The following RBFOX1 variants were observed in gnomAD, a reference collection of about 807,000 sequenced individuals.
RBFOX1 encodes RNA binding fox-1 homolog 1.
A neutral mutation model predicts 57.7 loss-of-function variants in RBFOX1; 8 were observed. That is an observed-to-expected ratio of 0.14 (90% CI 0.08 to 0.25). The LOEUF (loss-of-function observed/expected upper bound fraction) is 0.25, where lower values mean the gene tolerates loss of function less well. RBFOX1 is among the 10% of genes least tolerant of loss of function. The pLI is 1.00. For missense variants in RBFOX1, 611 were observed against 548.5 expected, an observed-to-expected ratio of 1.11 and a Z score of -1.14; for synonymous variants, 326 against 222.4, an observed-to-expected ratio of 1.47 and a Z score of -4.15.
At chr16:6,301,501 G>A (rs1483919562) in intron 1 of RBFOX1, among the ~76,000 whole-genome samples, 2 of 152,118 alleles carry the variant, frequency 1.3e-5, no homozygotes, top group Admixed American at 1.3e-4. Context: ...GGAACATTAT[G>A]AGATCTAGTT....
intron 11 of RBFOX1, among the ~76,000 whole-genome samples, chr16:7,637,580 T>C (rs2061980364): frequency 6.6e-6 from 1 of 152,226 alleles, no homozygotes; most frequent in African/African-American, 2.4e-5. Context: ...AATTTACGGC[T>C]TCCTTTTTCT....
At chr16:6,649,541 A>C (rs1186687661) in intron 2 of RBFOX1, among the ~76,000 whole-genome samples, 1 of 152,156 alleles carries the variant, frequency 6.6e-6, no homozygotes, top group African/African-American at 2.4e-5. Context: ...CTGAGTCCGC[A>C]AAGTCCACTG....
chr16:7,326,498 G>C (rs895069299), intron 4 of RBFOX1, among the ~76,000 whole-genome samples: 2 of 152,104 alleles, frequency 1.3e-5, no homozygotes, highest in African/African-American at 4.8e-5. Flanking sequence ...ATGATGAGCA[G>C]AGAGATGAAA....
At chr16:5,259,668 C>A (rs1282533544) in intron 1 of RBFOX1, among the ~76,000 whole-genome samples, 1 of 152,122 alleles carries the variant, frequency 6.6e-6, no homozygotes, top group Non-Finnish European at 1.5e-5. Context: ...TTTTGCCCTT[C>A]AGTTGTGTTT....
intron 1 of RBFOX1, among the ~76,000 whole-genome samples, chr16:5,308,948 C>G (rs2064010710): frequency 6.6e-6 from 1 of 152,284 alleles, no homozygotes; most frequent in East Asian, 1.9e-4. Context: ...CTTGGGAGTT[C>G]TAGGTCTTAA....
chr16:5,820,447 C>G (rs553939745), intron 3 of RBFOX1, among the ~76,000 whole-genome samples: 1 of 152,072 alleles, frequency 6.6e-6, no homozygotes. Flanking sequence ...TGGACCGTGC[C>G]GGGATTGATC....
At chr16:7,190,727 C>G (rs942018060) in intron 4 of RBFOX1, among the ~76,000 whole-genome samples, 2 of 152,064 alleles carry the variant, frequency 1.3e-5, no homozygotes, top group African/African-American at 4.8e-5. Context: ...GTTCTCCTGG[C>G]CTTGCATGGT....
At chr16:7,524,935 T>G (rs1235308068) in intron 5 of RBFOX1, among the ~76,000 whole-genome samples, 1 of 152,194 alleles carries the variant, frequency 6.6e-6, no homozygotes, top group Non-Finnish European at 1.5e-5. Flanking sequence ...ATCAAAGCAA[T>G]TCAGGCTTGG....
chr16:6,935,021 G>C (rs4786952), intron 3 of RBFOX1, among the ~76,000 whole-genome samples: 152,145 of 152,148 alleles, frequency 1, 76,071 homozygotes, highest in Middle Eastern at 1. Flanking sequence ...CCAGGAGGCA[G>C]GGGTTGTTGC....
At chr16:5,889,457 G>A (rs938974152) in intron 4 of RBFOX1, among the ~76,000 whole-genome samples, 2 of 152,060 alleles carry the variant, frequency 1.3e-5, no homozygotes, top group African/African-American at 2.4e-5. Flanking sequence ...TTCTTTATCC[G>A]TTCTATCATT....
At chr16:5,915,661 G>C (rs186437941) in intron 4 of RBFOX1, among the ~76,000 whole-genome samples, 1 of 151,996 alleles carries the variant, frequency 6.6e-6, no homozygotes, top group African/African-American at 2.4e-5. Flanking sequence ...GTAAAACCCT[G>C]TCTCTACTAA....
At chr16:6,711,564 C>G (rs1340657623) in intron 3 of RBFOX1, among the ~76,000 whole-genome samples, 7 of 152,218 alleles carry the variant, frequency 4.6e-5, no homozygotes, top group Non-Finnish European at 7.3e-5. Flanking sequence ...TCTGCCCTCA[C>G]TCTCTGTCTC....
chr16:7,456,276 T>A (rs1440377450), intron 4 of RBFOX1, among the ~76,000 whole-genome samples: 4 of 152,182 alleles, frequency 2.6e-5, no homozygotes, highest in Non-Finnish European at 5.9e-5. Flanking sequence ...GACCCCCCCT[T>A]ATACAAATAC....
At chr16:6,142,189 CAAA>C (rs71142685) in intron 1 of RBFOX1, among the ~76,000 whole-genome samples, 142 of 49,084 alleles carry the variant, frequency 2.9e-3, no homozygotes, top group Admixed American at 4.7e-3. Context: ...GCTGCTGCTG[CAAA>C]AAAAAAAAAA....
chr16:5,779,250 C>T (rs2054248496), intron 3 of RBFOX1, among the ~76,000 whole-genome samples: 1 of 152,216 alleles, frequency 6.6e-6, no homozygotes, highest in Non-Finnish European at 1.5e-5. Flanking sequence ...CTGTCAGTCT[C>T]TGTCCCTCTA....
chr16:7,534,427 A>G (rs1019773236), intron 5 of RBFOX1, among the ~76,000 whole-genome samples: 6 of 152,016 alleles, frequency 3.9e-5, no homozygotes, highest in African/African-American at 7.2e-5. Flanking sequence ...AGGACACACA[A>G]TAGAGCCAAT....
In RBFOX1 at chr16:7,671,600, G is replaced by A. The variant is rs760593868; in HGVS notation, c.931-5174G>A. The A allele has an allele frequency of 7.4e-6, 12 of 1,611,010 alleles. No homozygotes were observed. The highest frequency in any genetic ancestry group is 1.7e-4 in the Middle Eastern group (1 of 6,058). ...TGTGTATGGCAATAAATTGCTGCAG[G>A]TATGAAATCCCGACTGGTGGAGAAA... On this transcript the variant is annotated intron_variant, in intron 13 of 15. Transcript: ENST00000550418.
intron 2 of RBFOX1, among the ~76,000 whole-genome samples, chr16:6,649,705 T>A (rs1329058583): frequency 6.6e-6 from 1 of 152,250 alleles, no homozygotes; most frequent in Non-Finnish European, 1.5e-5. Flanking sequence ...TCATTCATTT[T>A]TATGGCTCAG....
intron 3 of RBFOX1, among the ~76,000 whole-genome samples, chr16:6,905,862 C>G (rs925806055): frequency 3.9e-5 from 6 of 152,174 alleles, no homozygotes. Flanking sequence ...TATTCCCTGG[C>G]CCTCTGCTGA....
Sources: gnomAD v4.1 joint callset for allele counts (sites outside exome capture counted in the v4.1 genomes callset) on GRCh38, gnomAD v4.1.1 for gene constraint, MANE v1.5 for transcripts, NCBI Gene and HGNC (gene_info 2026-07-23, HGNC 2026-07-21) for gene names.